Variants in TESK2 observed in about 807,000 individuals in gnomAD.
TESK2 encodes the protein dual specificity testis-specific protein kinase 2.
In TESK2, 39 loss-of-function variants were observed where a neutral mutation model predicts 57.1. The ratio of observed to expected loss-of-function variants is 0.68; its 90% CI spans 0.53 to 0.89. The LOEUF (loss-of-function observed/expected upper bound fraction) is 0.89, where lower values mean the gene tolerates loss of function less well. TESK2 is among the 40% of genes least tolerant of loss of function. TESK2 has a pLI of 0.00. For synonymous variants in TESK2, 249 were observed against 267.9 expected, an observed-to-expected ratio of 0.93 and a Z score of 0.69; for missense variants, 646 against 732.1, an observed-to-expected ratio of 0.88 and a Z score of 1.36.
Position 45,359,018 on chromosome 1 carries a change from C to T in TESK2, c.394-3569G>A, listed in dbSNP as rs191801216. Among the ~76,000 whole-genome samples the T allele has an allele frequency of 4.2e-3, 638 of 152,310 alleles. 3 individuals carry two copies. Among genetic ancestry groups the T allele is most frequent in the Non-Finnish European group, 5.7e-3 (389 of 68,022 alleles). ...CCCAAGGGAGAAAAAGAGGGAAATT[C>T]CTCTAAGCCTAAAATTTATATCTTA... On this transcript the variant is annotated intron_variant, in intron 4 of 10. Coordinates refer to ENST00000372086, the MANE Select transcript of TESK2 (RefSeq NM_007170.3).
chr1:45,434,474 T>G (rs1205376695), intron 2 of TESK2, among the ~76,000 whole-genome samples: 7 of 130,184 alleles, frequency 5.4e-5, no homozygotes, highest in African/African-American at 1.9e-4. Context: ...TTTTTTTTTG[T>G]AGAGATGGGG....
At chr1:45,396,534 G>A (rs1029523837) in intron 3 of TESK2, among the ~76,000 whole-genome samples, 5 of 151,492 alleles carry the variant, frequency 3.3e-5, no homozygotes, top group Admixed American at 6.6e-5. Context: ...TGTTGCCCAC[G>A]CTGGAGTGCA....
At chr1:45,409,501 G>A (rs1649961598) in intron 3 of TESK2, among the ~76,000 whole-genome samples, 1 of 152,214 alleles carries the variant, frequency 6.6e-6, no homozygotes, top group South Asian at 2.1e-4. Flanking sequence ...AAAGCCCAGA[G>A]TATGAACTTT....
At chr1:45,431,343 G>T (rs936087563) in intron 2 of TESK2, among the ~76,000 whole-genome samples, 1 of 152,052 alleles carries the variant, frequency 6.6e-6, no homozygotes, top group Non-Finnish European at 1.5e-5. Context: ...GCTTGAACCC[G>T]GGAGACGGAG....
At chr1:45,346,899 A>G (rs1005197341) in intron 8 of TESK2, 80 bp downstream of exon 8, 1 of 1,561,576 alleles carries the variant, frequency 6.4e-7, no homozygotes, top group Non-Finnish European at 8.8e-7. Flanking sequence ...AGTTCCAGCA[A>G]GTCCATCCCA....
chr1:45,479,277 GAAT>G (rs1251226497), intron 1 of TESK2, among the ~76,000 whole-genome samples: 1 of 151,940 alleles, frequency 6.6e-6, no homozygotes, highest in Non-Finnish European at 1.5e-5. Context: ...CTAATACAAA[GAAT>G]AATAGGACTA....
intron 4 of TESK2, among the ~76,000 whole-genome samples, chr1:45,362,502 T>A (rs962714998): frequency 2.0e-5 from 3 of 152,172 alleles, no homozygotes; most frequent in African/African-American, 7.2e-5. Context: ...ATGGTAGTTT[T>A]AAAAAAATTT....
intron 1 of TESK2, among the ~76,000 whole-genome samples, chr1:45,485,388 C>T (rs1378675308): frequency 2.0e-5 from 3 of 151,888 alleles, no homozygotes; most frequent in Admixed American, 6.6e-5. Flanking sequence ...GGGGTTTCAC[C>T]GTGTTAGTCA....
At chr1:45,475,085 A>AAAAAAAAAAAG (rs1557588075) in intron 1 of TESK2, among the ~76,000 whole-genome samples, 2 of 146,192 alleles carry the variant, frequency 1.4e-5, no homozygotes, top group Non-Finnish European at 3.0e-5. Context: ...AAAAAAAAGA[A>AAAAAAAAAAAG]AAGAAAAGAA....
At chr1:45,360,745 A>G (rs1647646607) in intron 4 of TESK2, among the ~76,000 whole-genome samples, 1 of 152,252 alleles carries the variant, frequency 6.6e-6, no homozygotes, top group African/African-American at 2.4e-5. Flanking sequence ...GTAGGCCCTC[A>G]GAAACCGCTT....
intron 1 of TESK2, among the ~76,000 whole-genome samples, chr1:45,466,575 A>C (rs528841687): frequency 1.2e-4 from 18 of 151,704 alleles, no homozygotes; most frequent in Non-Finnish European, 2.5e-4. Flanking sequence ...GTTGGGTCCC[A>C]GGAGGTCAAG....
At chr1:45,392,505 C>A (rs566659060) in intron 3 of TESK2, among the ~76,000 whole-genome samples, 1 of 151,960 alleles carries the variant, frequency 6.6e-6, no homozygotes, top group African/African-American at 2.4e-5. Context: ...GAGTTTGAGA[C>A]CAGCCTGACC....
chr1:45,400,639 T>G (rs1187371643), intron 3 of TESK2, among the ~76,000 whole-genome samples: 1 of 152,192 alleles, frequency 6.6e-6, no homozygotes, highest in African/African-American at 2.4e-5. Context: ...GTCAGTCAAA[T>G]ATTTATCAAA....
At chr1:45,414,903 T>C (rs545888182) in intron 3 of TESK2, 14 of 420,678 alleles carry the variant, frequency 3.3e-5, no homozygotes, top group Admixed American at 7.0e-5. Context: ...TAGAAAACCG[T>C]TGAATCTATT....
intron 3 of TESK2, among the ~76,000 whole-genome samples, chr1:45,397,747 T>C (rs568491593): frequency 2.6e-5 from 4 of 152,312 alleles, no homozygotes; most frequent in Admixed American, 6.5e-5. Context: ...TTCCATATTG[T>C]TGTGAGAATG....
At chr1:45,385,446 C>A in intron 4 of TESK2, 1 of 540,646 alleles carries the variant, frequency 1.8e-6, no homozygotes, top group Non-Finnish European at 2.4e-6. Context: ...ACAGCAGGGA[C>A]TGTGGAATTC....
chr1:45,475,079 A>AG (rs1258371572), intron 1 of TESK2, among the ~76,000 whole-genome samples: 4 of 143,962 alleles, frequency 2.8e-5, no homozygotes, highest in African/African-American at 5.0e-5. Flanking sequence ...AAAAAAAAAA[A>AG]AAAGAAAAGA....
At chr1:45,378,543 C>T (rs1648527053) in intron 4 of TESK2, among the ~76,000 whole-genome samples, 1 of 152,134 alleles carries the variant, frequency 6.6e-6, no homozygotes, top group African/African-American at 2.4e-5. Flanking sequence ...ACCATGGCAC[C>T]AGATATGCAA....
intron 2 of TESK2, among the ~76,000 whole-genome samples, chr1:45,433,044 A>T (rs1157175745): frequency 7.0e-5 from 10 of 142,544 alleles, no homozygotes; most frequent in African/African-American, 2.6e-4. Context: ...GATTACAAGC[A>T]TGAGCCACCG....
Sources: allele counts gnomAD v4.1 joint callset (sites outside exome capture counted in the v4.1 genomes callset), GRCh38; gene constraint gnomAD v4.1.1; transcripts MANE v1.5; gene names NCBI Gene and HGNC (gene_info 2026-07-23, HGNC 2026-07-21).